MAEA: variants seen among roughly 807,000 people sequenced by gnomAD.
MAEA encodes the protein macrophage erythroblast attacher, E3 ubiquitin ligase, also known as E3 ubiquitin-protein transferase MAEA.
Under a neutral mutation model 46.2 loss-of-function variants are expected in MAEA, and 22 were observed. The ratio of observed to expected loss-of-function variants is 0.48; its 90% confidence interval spans 0.34 to 0.68. The LOEUF (loss-of-function observed/expected upper bound fraction) is 0.68. Among genes scored for constraint, MAEA ranks in the 30% least tolerant of loss-of-function variants. MAEA has a pLI of 0.01. For synonymous variants in MAEA, 246 were observed against 222.6 expected, an observed-to-expected ratio of 1.11 and a Z score of -0.94; for missense variants, 393 against 558.1, an observed-to-expected ratio of 0.70 and a Z score of 2.98.
chr4:1,311,037 G>A lies in MAEA; in HGVS notation c.70-942G>A, dbSNP rs762930354. On this transcript the variant is annotated intron_variant, in intron 1 of 8. Transcript: ENST00000303400. This position sits in a 1 kb window ranked among gnomAD's most constrained non-coding sequence, Gnocchi z 4.4. ...ACGAGGTCGAGGCGTGCCCAGGGCC[G>A]GGGGAGCAGGCGGTACCCGAGAGTC... Among the ~76,000 whole-genome samples the A allele has an allele frequency of 7.5e-5, 11 of 147,622 alleles. No individual in the cohort carries two copies. The highest frequency in any genetic ancestry group is 1.5e-4 in the African/African-American group (6 of 39,474).
At chr4:1,333,667 C>T (rs1158725297) in intron 6 of MAEA, among the ~76,000 whole-genome samples, 1 of 124,984 alleles carries the variant, frequency 8.0e-6, no homozygotes, top group African/African-American at 3.0e-5. Flanking sequence ...CACCCGTGCC[C>T]ACCCCTGCAC....
chr4:1,305,696 C>G (rs1252489158), intron 1 of MAEA, among the ~76,000 whole-genome samples: 1 of 152,188 alleles, frequency 6.6e-6, no homozygotes, highest in Non-Finnish European at 1.5e-5. Context: ...TCCAGAGAAA[C>G]AGAGCCAGTG....
intron 5 of MAEA, chr4:1,329,489 G>A (rs528494801): frequency 2.0e-6 from 2 of 985,358 alleles, no homozygotes. Flanking sequence ...CCTCCCGCAA[G>A]CAGACACGTG....
chr4:1,311,872 C>A lies in MAEA; in HGVS notation c.70-107C>A. ...TTTTGAGACCATGAACCTTCTGAGA[C>A]TTCTGCCTCTACAAGTGCCATGAGG... On this transcript the variant is annotated intron_variant, in intron 1 of 8. Transcript: ENST00000303400. The surrounding 1 kb of genome is among the most constrained non-coding windows in gnomAD (Gnocchi z 4.4). 1.0e-6 allele frequency: 1 copy of A among 965,762 alleles called. No individual in the cohort carries two copies. Among genetic ancestry groups the A allele is most frequent in the Non-Finnish European group, 1.6e-6 (1 of 639,826 alleles). The allele number at this position is 965,762 out of a possible 1,614,324, so 59.8% of individuals were successfully genotyped here.
intron 1 of MAEA, among the ~76,000 whole-genome samples, chr4:1,307,617 G>A (rs1043344835): frequency 6.6e-6 from 1 of 152,226 alleles, no homozygotes; most frequent in Admixed American, 6.5e-5. Context: ...TGTGATTACA[G>A]AGGCTGAGTC....
chr4:1,299,034 T>G (rs931582437), intron 1 of MAEA, among the ~76,000 whole-genome samples: 2 of 152,024 alleles, frequency 1.3e-5, no homozygotes, highest in African/African-American at 4.8e-5. Flanking sequence ...GGCGCCTGCT[T>G]CCGTGTCTGG....
intron 4 of MAEA, chr4:1,323,476 G>A (rs1472224785): frequency 2.8e-6 from 2 of 702,458 alleles, no homozygotes; most frequent in Non-Finnish European, 2.6e-6. Flanking sequence ...CCAGCCAGGA[G>A]TGACACACTG....
chr4:1,292,663 T>G (rs1734212709), intron 1 of MAEA, among the ~76,000 whole-genome samples: 1 of 152,180 alleles, frequency 6.6e-6, no homozygotes, highest in South Asian at 2.1e-4. Context: ...CATTGCTAGA[T>G]GTGCCCTGGG....
At chr4:1,298,259 C>T (rs1734963726) in intron 1 of MAEA, 1 of 368,256 alleles carries the variant, frequency 2.7e-6, no homozygotes, top group African/African-American at 2.1e-5. Flanking sequence ...GTCATTTGTG[C>T]CCCGCCCAAG....
Position 1,311,890 on chromosome 4 carries a change from C to T in MAEA, c.70-89C>T. The T allele has an allele frequency of 8.5e-7, 1 of 1,172,012 alleles. No homozygotes were observed. The highest frequency in any genetic ancestry group is 1.5e-5 in the South Asian group (1 of 68,820). 72.6% of individuals were successfully genotyped at this position (1,172,012 alleles called of 1,614,324 possible). On this transcript the variant is annotated intron_variant, in intron 1 of 8. Transcript: ENST00000303400. The surrounding 1 kb of genome is among the most constrained non-coding windows in gnomAD (Gnocchi z 4.4). ...TCTGAGACTTCTGCCTCTACAAGTG[C>T]CATGAGGAGACCTGGTGTGTCCTGG... is the stretch of plus-strand genomic sequence containing the variant.
chr4:1,302,533 A>G (rs12509700), intron 1 of MAEA, among the ~76,000 whole-genome samples: 81,507 of 152,114 alleles, frequency 0.54, 22,032 homozygotes, highest in African/African-American at 0.6. Context: ...GGAGTGCAGT[A>G]CAGTGGCGCC....
At position 1,339,730 on chromosome 4, in the gene MAEA, C is replaced by G. The variant is rs552571427; in HGVS notation, c.*561C>G. On this transcript the variant is annotated 3_prime_UTR_variant, in exon 9 of 9. Coordinates refer to ENST00000303400, the MANE Select transcript of MAEA (RefSeq NM_001017405.3). ...GTCGGGGGCTGGCTTCGAGGACGCC[C>G]GCCTGCCTCGCGGGTCGTGTCCGCG... The G allele has an allele frequency of 5.8e-5, 9 of 155,238 alleles. No individual in the cohort carries two copies. The East Asian group carries it at 1.7e-3, about 30-fold the overall frequency. The allele number at this position is 155,238 out of a possible 1,614,324, so 9.6% of individuals were successfully genotyped here.
chr4:1,332,950 G>C, intron 6 of MAEA, 85 bp downstream of exon 6: 2 of 1,035,948 alleles, frequency 1.9e-6, no homozygotes, highest in Non-Finnish European at 2.8e-6. Flanking sequence ...TCCACACGTG[G>C]GGCGGGACGT....
rs1247501146 is a variant in MAEA at position 1,339,492 on chromosome 4, C to G, written c.*323C>G. On this transcript the variant is annotated 3_prime_UTR_variant, in exon 9 of 9. Coordinates refer to ENST00000303400, the MANE Select transcript of MAEA (RefSeq NM_001017405.3). ...TTAAGAACGTTTAAAATATAGGAGT[C>G]CGTGATTTCCCTGTGTTTTCAGTTT... 1 of 330,580 alleles carries G rather than the reference C, an allele frequency of 3.0e-6. No homozygotes were observed. Among genetic ancestry groups the G allele is most frequent in the Non-Finnish European group, 5.6e-6 (1 of 177,148 alleles). The allele number at this position is 330,580 out of a possible 1,614,324, so 20.5% of individuals were successfully genotyped here.
intron 4 of MAEA, among the ~76,000 whole-genome samples, chr4:1,325,095 C>T (rs1042185761): frequency 6.6e-6 from 1 of 152,176 alleles, no homozygotes. Flanking sequence ...TCTGTGCAGT[C>T]TGCTCACATG....
At chr4:1,323,709 G>C (rs775004085) in intron 4 of MAEA, 46 of 675,450 alleles carry the variant, frequency 6.8e-5, no homozygotes, top group Non-Finnish European at 1.1e-5. Context: ...GCTGTTTCCT[G>C]TGGATGTCAG....
chr4:1,314,895 G>A (rs554181556), intron 2 of MAEA, among the ~76,000 whole-genome samples: 41 of 152,284 alleles, frequency 2.7e-4, no homozygotes, highest in Admixed American at 2.2e-3. Context: ...AATTTTTAGC[G>A]AAGAATTCAG....
At chr4:1,300,064 T>C (rs1268357555) in intron 1 of MAEA, 1 of 152,238 alleles carries the variant, frequency 6.6e-6, no homozygotes, top group African/African-American at 2.4e-5. Context: ...GTCAGCACAA[T>C]AACGGGGCAT....
intron 4 of MAEA, among the ~76,000 whole-genome samples, chr4:1,326,359 G>T (rs1197207232): frequency 6.6e-6 from 1 of 152,244 alleles, no homozygotes; most frequent in Non-Finnish European, 1.5e-5. Context: ...CCTATATCCT[G>T]TTTCCGGGGT....
Sources: gnomAD v4.1 joint callset for allele counts (sites outside exome capture counted in the v4.1 genomes callset) on GRCh38, gnomAD v4.1.1 for gene constraint, Gnocchi (gnomAD v3.1) non-coding constraint, MANE v1.5 for transcripts, NCBI Gene and HGNC (gene_info 2026-07-23, HGNC 2026-07-21) for gene names.